SIN3A: variants seen among roughly 807,000 people sequenced by gnomAD.
The protein encoded by SIN3A is paired amphipathic helix protein Sin3a.
A neutral mutation model predicts 146.1 loss-of-function variants in SIN3A; 14 were observed. The ratio of observed to expected loss-of-function variants is 0.10; its 90% CI spans 0.06 to 0.15. The LOEUF (loss-of-function observed/expected upper bound fraction) is 0.15, where lower values mean the gene tolerates loss of function less well. SIN3A is among the 10% of genes least tolerant of loss of function. SIN3A has a pLI of 1.00. For synonymous variants in SIN3A, 572 were observed against 572.0 expected (o/e 1.00, Z 0.00); for missense variants, 1,028 against 1,576.0 (o/e 0.65, Z 5.89).
intron 2 of SIN3A, among the ~76,000 whole-genome samples, chr15:75,428,844 C>A (rs1317845432): frequency 6.6e-6 from 1 of 152,166 alleles, no homozygotes; most frequent in Non-Finnish European, 1.5e-5. Flanking sequence ...CCTCTGCCAA[C>A]CCTGAGATGG....
chr15:75,422,873 C>A, intron 2 of SIN3A, 50 bp from the exon 3 acceptor site: 1 of 1,547,706 alleles, frequency 6.5e-7, no homozygotes, highest in Non-Finnish European at 8.8e-7. Flanking sequence ...GTACATTCTT[C>A]CCCAAATGAG....
chr15:75,413,798 A>T (rs1555446624), intron 4 of SIN3A, among the ~76,000 whole-genome samples: 1 of 152,240 alleles, frequency 6.6e-6, no homozygotes, highest in Non-Finnish European at 1.5e-5. Context: ...ATATAAAGCT[A>T]CATATCCCAA....
chr15:75,371,986 G>T lies in SIN3A; in HGVS notation c.3815C>A (p.Ala1272Asp). The T allele has an allele frequency of 1.2e-6, 2 of 1,614,018 alleles. No homozygotes were observed. The highest frequency in any genetic ancestry group is 1.7e-6 in the Non-Finnish European group (2 of 1,179,896). ...TCTGCTCTGGCTTTGCAGTTAAGGG[G>T]CTTTGAATACTGTGCCGTATTTGAC... ...YRVKYGTVFK[A>D]P Residue 1272 changes from alanine to aspartate, a missense_variant, in exon 21 of 21, where the codon GCC (alanine) becomes GAC (aspartate). Ala to Asp is a moderately radical substitution (Grantham distance 126). Transcript: ENST00000394947.
chr15:75,391,488 A>G (rs1202709283), intron 15 of SIN3A, among the ~76,000 whole-genome samples: 2 of 146,754 alleles, frequency 1.4e-5, no homozygotes, highest in Non-Finnish European at 3.0e-5. Flanking sequence ...TGGGCTTCCT[A>G]CATCAGCAAC....
chr15:75,407,873 A>G (rs2073546331), intron 8 of SIN3A, among the ~76,000 whole-genome samples: 1 of 139,608 alleles, frequency 7.2e-6, no homozygotes, highest in African/African-American at 2.7e-5. Context: ...AGCCTGGGCA[A>G]CAGAGTGAGA....
At chr15:75,376,859 TAAAAAA>T (rs200318256) in intron 19 of SIN3A, among the ~76,000 whole-genome samples, 44,022 of 115,608 alleles carry the variant, frequency 0.38, 8,107 homozygotes, top group African/African-American at 0.54. Context: ...GACACTGTCT[TAAAAAA>T]AAAAAAAAAA....
chr15:75,401,785 T>G, intron 10 of SIN3A, 67 bp downstream of exon 10: 1 of 960,706 alleles, frequency 1.0e-6, no homozygotes, highest in South Asian at 1.4e-5. Context: ...TATCATATAC[T>G]CTCACAAATC....
At chr15:75,414,342 A>G in intron 3 of SIN3A, 31 bp from the exon 4 acceptor site, 1 of 1,244,888 alleles carries the variant, frequency 8.0e-7, no homozygotes, top group Non-Finnish European at 1.1e-6. Flanking sequence ...AAGGTTATAA[A>G]AAGAAAGTAA....
intron 11 of SIN3A, among the ~76,000 whole-genome samples, chr15:75,400,509 G>C (rs369803445): frequency 1.3e-5 from 2 of 152,164 alleles, no homozygotes; most frequent in African/African-American, 2.4e-5. Flanking sequence ...AGGAGGTTGA[G>C]GCACTATGAG....
At chr15:75,443,038 G>A (rs2074244395) in intron 1 of SIN3A, among the ~76,000 whole-genome samples, 1 of 151,194 alleles carries the variant, frequency 6.6e-6, no homozygotes, top group African/African-American at 2.4e-5. Flanking sequence ...GCCTGGTTTT[G>A]AAGTACTGGG....
intron 1 of SIN3A, among the ~76,000 whole-genome samples, chr15:75,451,005 C>A (rs1253383173): frequency 1.3e-5 from 2 of 151,964 alleles, no homozygotes; most frequent in African/African-American, 4.8e-5. Flanking sequence ...TGAATCTACA[C>A]GCGGGAGACC....
chr15:75,423,362 A>G (rs375005754), intron 2 of SIN3A, among the ~76,000 whole-genome samples: 1 of 152,218 alleles, frequency 6.6e-6, no homozygotes, highest in African/African-American at 2.4e-5. Flanking sequence ...CACCAAAGTT[A>G]TAACAAAATT....
Position 75,409,862 on chromosome 15 carries a change from G to A in SIN3A, c.1291C>T (p.Pro431Ser), listed in dbSNP as rs543871480. 2 of 1,612,908 alleles carry A rather than the reference G, an allele frequency of 1.2e-6. No individual in the cohort carries two copies. The highest frequency in any genetic ancestry group is 1.7e-6 in the Non-Finnish European group (2 of 1,180,002). Residue 431 changes from proline (P) to serine (S), a missense_variant, in exon 8 of 21, where the codon CCT (proline) becomes TCT (serine). By Grantham distance (74) the Pro-to-Ser change is moderately conservative. This residue lies in a region of SIN3A where 62 missense variants were observed against 63.5 expected (regional missense o/e 0.98). Transcript: ENST00000394947. The part of the protein sequence containing the change: ...SQNGCQIRRH[P>S]TGTTPPVKKK... ...TTAACTGGAGGGGTGGTTCCTGTAGGATGTCTGCGGATCTGGCAGCCATTC... is the reference window on the plus strand; with the variant it reads ...TTAACTGGAGGGGTGGTTCCTGTAGAATGTCTGCGGATCTGGCAGCCATTC...
chr15:75,376,019 CA>C (rs1375059742), intron 19 of SIN3A, 147 bp from the exon 20 acceptor site: 48 of 776,978 alleles, frequency 6.2e-5, no homozygotes, highest in Admixed American at 1.6e-4. Flanking sequence ...TGTTTCACTG[CA>C]AAAAAAATTT....
intron 10 of SIN3A, among the ~76,000 whole-genome samples, chr15:75,401,284 T>G (rs1039410865): frequency 6.6e-6 from 1 of 152,120 alleles, no homozygotes; most frequent in Non-Finnish European, 1.5e-5. Flanking sequence ...TCCCAGCACT[T>G]TGGGAGGCCG....
Position 75,384,370 on chromosome 15 carries a change from T to A in SIN3A, c.3089A>T (p.Asn1030Ile). The A allele has an allele frequency of 1.2e-6, 2 of 1,613,088 alleles. No individual in the cohort carries two copies. The highest frequency in any genetic ancestry group is 1.7e-6 in the Non-Finnish European group (2 of 1,179,278). The change falls in exon 17 of 21, where the codon AAT becomes ATT. Residue 1030 changes from asparagine (N) to isoleucine (I), a missense_variant. Asn to Ile is a moderately radical substitution (Grantham distance 149). Transcript: ENST00000394947. ...GTTCAGCTGGCCTCCGGTGGCCCCA[T>A]TATTATTTTCTGCCAGGTAAAGGTC... ...VTDLYLAENNNGATGGQLNTQ... is the reference protein window; with the variant it reads ...VTDLYLAENNIGATGGQLNTQ...
chr15:75,429,028 T>C (rs554097287), intron 2 of SIN3A, among the ~76,000 whole-genome samples: 55 of 152,368 alleles, frequency 3.6e-4, no homozygotes, highest in Non-Finnish European at 6.9e-4. Flanking sequence ...GAATATAGTA[T>C]ATGACAAATA....
intron 3 of SIN3A, chr15:75,415,118 G>T (rs1173035735): frequency 6.6e-6 from 1 of 152,302 alleles, no homozygotes; most frequent in South Asian, 2.1e-4. Context: ...TGGCACAAGA[G>T]CAGAAAAGAT....
In SIN3A at chr15:75,392,588, C is replaced by G; in HGVS notation, c.2505G>C (p.Glu835Asp). Residue 835 changes from glutamate (E) to aspartate (D), a missense_variant, in exon 15 of 21, where the codon GAG becomes GAC. Physicochemically the swap from Glu to Asp is conservative, Grantham distance 45. Coordinates refer to ENST00000394947, the MANE Select transcript of SIN3A (RefSeq NM_001145358.2). Reference sequence around the variant, plus strand: ...CATCCATCTCTTCTTCTTCCTCTTCCTCCACATCTGAGAGATCACCTCTTT... The same window carrying G: ...CATCCATCTCTTCTTCTTCCTCTTCGTCCACATCTGAGAGATCACCTCTTT... ...FAQRGDLSDV[E>D]EEEEEEMDVD... 3.7e-6 allele frequency: 6 copies of G among 1,614,148 alleles called. No homozygotes were observed. Among genetic ancestry groups the G allele is most frequent in the Non-Finnish European group, 5.1e-6 (6 of 1,180,022 alleles).
Sources: allele counts gnomAD v4.1 joint callset (sites outside exome capture counted in the v4.1 genomes callset), GRCh38; gene constraint gnomAD v4.1.1; regional missense constraint gnomAD v4.1.1; transcripts MANE v1.5; gene names NCBI Gene and HGNC (gene_info 2026-07-23, HGNC 2026-07-21).